DNAH9: variants seen among roughly 807,000 people sequenced by gnomAD.
The protein encoded by DNAH9 is DNAH9 variant protein.
Under a neutral mutation model 471.6 loss-of-function variants are expected in DNAH9, and 345 were observed. That is an observed-to-expected ratio of 0.73 (90% CI 0.67 to 0.80). The LOEUF is 0.80. Ranked by LOEUF, DNAH9 falls within the 30% of genes least tolerant of loss-of-function variation. The pLI, the probability that DNAH9 is intolerant of heterozygous loss-of-function variation, is 0.00. For missense variants in DNAH9, 5,407 were observed against 5,609.2 expected (o/e 0.96, Z 1.15); for synonymous variants, 2,093 against 2,123.6 (o/e 0.99, Z 0.40).
Position 11,598,663 on chromosome 17 carries a change from G to T in DNAH9, c.165G>T (p.Leu55=), listed in dbSNP as rs1005435150. 2 of 1,360,908 alleles carry T rather than the reference G, an allele frequency of 1.5e-6. No individual in the cohort carries two copies. The highest frequency in any genetic ancestry group is 3.9e-5 in the Admixed American group (1 of 25,580). 84.3% of individuals were successfully genotyped at this position (1,360,908 alleles called of 1,614,324 possible). Residue 55 remains leucine (L), a synonymous_variant, in exon 1 of 69, where the codon CTG becomes CTT. Transcript: ENST00000262442. ...RCAGSAEAEQ[L]LQAFLGRDAA... is the part of the protein sequence containing the mutation. The stretch of plus-strand genomic sequence containing the variant: ...CGGGGAGTGCTGAGGCGGAGCAGCT[G>T]CTCCAGGCCTTCCTGGGCCGCGATG...
At chr17:11,849,725 TC>T (rs1358994776) in intron 49 of DNAH9, among the ~76,000 whole-genome samples, 4 of 152,172 alleles carry the variant, frequency 2.6e-5, no homozygotes, top group African/African-American at 9.6e-5. Flanking sequence ...GAATTCTCTC[TC>T]CTGAGCCCTT....
At chr17:11,961,134 G>A (rs1322669742) in intron 67 of DNAH9, among the ~76,000 whole-genome samples, 1 of 152,068 alleles carries the variant, frequency 6.6e-6, no homozygotes, top group African/African-American at 2.4e-5. Context: ...GACCAACATG[G>A]TGAAACCCTG....
chr17:11,776,962 C>A (rs1968459541), intron 38 of DNAH9, among the ~76,000 whole-genome samples: 1 of 152,212 alleles, frequency 6.6e-6, no homozygotes, highest in Non-Finnish European at 1.5e-5. Context: ...CATTAAATTA[C>A]AACATAATGG....
At position 11,937,773 on chromosome 17, in the gene DNAH9, C is replaced by T. The variant is rs761244353; in HGVS notation, c.12660+251C>T. ...TTCAGCAGTTTTCTTTGCCAGTCCA[C>T]CCAAAGTCCATTTTTATTCAGCTTC... On this transcript the variant is annotated intron_variant, in intron 66 of 68. Transcript: ENST00000262442. This position sits in a 1 kb window ranked among gnomAD's most constrained non-coding sequence, Gnocchi z 4.1. 5.3e-5 allele frequency among the ~76,000 whole-genome samples: 8 copies of T among 152,156 alleles called. No homozygotes were observed. The highest frequency in any genetic ancestry group is 1.2e-4 in the Non-Finnish European group (8 of 68,032).
At chr17:11,734,889 A>G (rs1238896093) in intron 28 of DNAH9, among the ~76,000 whole-genome samples, 2 of 152,188 alleles carry the variant, frequency 1.3e-5, no homozygotes, top group African/African-American at 4.8e-5. Context: ...GAATGGGGCC[A>G]TGTGGGCAGA....
chr17:11,651,526 A>G (rs1189322117), intron 13 of DNAH9, among the ~76,000 whole-genome samples: 1 of 152,120 alleles, frequency 6.6e-6, no homozygotes. Flanking sequence ...TAGTTGATAA[A>G]TTTAGAAAAC....
At position 11,942,401 on chromosome 17, in the gene DNAH9, AGTTGCCTTCCAGGAGT is replaced by A; in HGVS notation, c.12762_12777del (p.Phe4256GlyfsTer2). ...TGGAGGAGCGCACCCCTTACATTGT[AGTTGCCTTCCAGGAGT>A]GTGGCCGGATGAATATCCTCACCAG... On this transcript the variant is annotated frameshift_variant, in exon 67 of 69. Coordinates refer to ENST00000262442, the MANE Select transcript of DNAH9 (RefSeq NM_001372.4). LOFTEE classifies it high-confidence loss of function. The A allele has an allele frequency of 2.5e-6, 4 of 1,614,234 alleles. No individual in the cohort carries two copies. The highest frequency in any genetic ancestry group is 3.4e-6 in the Non-Finnish European group (4 of 1,180,042).
chr17:11,967,558 G>T (rs1285912923), intron 68 of DNAH9, among the ~76,000 whole-genome samples: 1 of 152,118 alleles, frequency 6.6e-6, no homozygotes, highest in Non-Finnish European at 1.5e-5. Flanking sequence ...TATAGAAAAC[G>T]AATAGCAGAT....
intron 59 of DNAH9, among the ~76,000 whole-genome samples, chr17:11,896,347 A>T (rs890329617): frequency 6.6e-6 from 1 of 152,200 alleles, no homozygotes; most frequent in Non-Finnish European, 1.5e-5. Context: ...TGTAGCAACT[A>T]CTCAACTCTG....
At chr17:11,919,216 C>A (rs909490805) in intron 61 of DNAH9, among the ~76,000 whole-genome samples, 1 of 151,898 alleles carries the variant, frequency 6.6e-6, no homozygotes, top group Non-Finnish European at 1.5e-5. Context: ...GGGTTCATGG[C>A]GGGGCGCAGT....
At chr17:11,904,630 CA>C (rs202059757) in intron 60 of DNAH9, among the ~76,000 whole-genome samples, 15 of 111,456 alleles carry the variant, frequency 1.3e-4, no homozygotes, top group African/African-American at 7.1e-4. Flanking sequence ...GACTCCATCT[CA>C]AAAAAAAAAA....
At chr17:11,867,474 G>A (rs201065168) in intron 50 of DNAH9, among the ~76,000 whole-genome samples, 1 of 148,510 alleles carries the variant, frequency 6.7e-6, no homozygotes, top group South Asian at 2.1e-4. Context: ...GTTTTTTTTT[G>A]TTATTCTCTC....
intron 50 of DNAH9, among the ~76,000 whole-genome samples, chr17:11,856,251 AT>A (rs528405155): frequency 1.3e-5 from 2 of 152,296 alleles, no homozygotes; most frequent in South Asian, 2.1e-4. Flanking sequence ...CTTGCTACAA[AT>A]TTGTCATGAT....
chr17:11,657,633 G>T (rs180708394), intron 14 of DNAH9, among the ~76,000 whole-genome samples: 2 of 152,056 alleles, frequency 1.3e-5, no homozygotes, highest in Admixed American at 6.5e-5. Context: ...AGATTGCAAA[G>T]ATATCTTTTA....
intron 43 of DNAH9, among the ~76,000 whole-genome samples, chr17:11,801,902 T>A (rs60701670): frequency 0.053 from 8,111 of 151,784 alleles, 252 homozygotes; most frequent in African/African-American, 0.071. Flanking sequence ...AAAAAAAAAA[T>A]AATAAGTACT....
intron 59 of DNAH9, among the ~76,000 whole-genome samples, chr17:11,898,510 T>G (rs527578155): frequency 1.1e-4 from 16 of 152,350 alleles, no homozygotes; most frequent in Admixed American, 3.3e-4. Flanking sequence ...ACAAAGACCC[T>G]ATTTCCAAAT....
rs1480752849 is a variant in DNAH9 at position 11,690,269 on chromosome 17, G to A, written c.4447G>A (p.Val1483Met). The A allele has an allele frequency of 1.2e-6, 2 of 1,614,054 alleles. No homozygotes were observed. Among genetic ancestry groups the A allele is most frequent in the African/African-American group, 2.7e-5 (2 of 74,914 alleles). ...EDNQVQLQNL[V>M]MSKYVAFFLE... ...TAATCAAGTTCAACTTCAGAACCTG[G>A]TGATGTCCAAGTATGTTGCTTTCTT... Residue 1483 changes from valine to methionine, a missense_variant, in exon 20 of 69, where the codon GTG becomes ATG. Coordinates refer to ENST00000262442, the MANE Select transcript of DNAH9 (RefSeq NM_001372.4).
chr17:11,851,384 C>T (rs1037265524), intron 49 of DNAH9, among the ~76,000 whole-genome samples: 8 of 151,802 alleles, frequency 5.3e-5, no homozygotes, highest in South Asian at 4.2e-4. Context: ...CCCAAAGTAC[C>T]GGGATTACAG....
intron 34 of DNAH9, 22 bp from the exon 35 acceptor site, chr17:11,757,523 A>C: frequency 6.2e-7 from 1 of 1,603,464 alleles, no homozygotes; most frequent in Non-Finnish European, 8.5e-7. Context: ...TATTCACTAA[A>C]CTGTATTCTC....
Sources: gnomAD v4.1 joint callset for allele counts (sites outside exome capture counted in the v4.1 genomes callset) on GRCh38, gnomAD v4.1.1 for gene constraint, Gnocchi (gnomAD v3.1) non-coding constraint, MANE v1.5 for transcripts, NCBI Gene and HGNC (gene_info 2026-07-23, HGNC 2026-07-21) for gene names.